STK32B: variants seen among roughly 807,000 people sequenced by gnomAD.
STK32B encodes the protein serine/threonine kinase 32B, also known as serine/threonine-protein kinase 32B.
Under a neutral mutation model 52.6 loss-of-function variants are expected in STK32B, and 43 were observed. The observed-to-expected ratio is 0.82, with a 90% CI of 0.64 to 1.05. The LOEUF is 1.05. STK32B is among the 50% of genes least tolerant of loss of function. The pLI is 0.00. For synonymous variants in STK32B, 238 were observed against 204.3 expected, an observed-to-expected ratio of 1.17 and a Z score of -1.41; for missense variants, 621 against 534.6, an observed-to-expected ratio of 1.16 and a Z score of -1.59.
intron 6 of STK32B, among the ~76,000 whole-genome samples, chr4:5,428,324 C>T (rs973996300): frequency 3.9e-5 from 6 of 151,972 alleles, no homozygotes; most frequent in Admixed American, 1.3e-4. Flanking sequence ...AGGAGAATGG[C>T]GTGAACCCGG....
intron 1 of STK32B, among the ~76,000 whole-genome samples, chr4:5,115,121 G>A (rs1208685641): frequency 6.6e-6 from 1 of 152,176 alleles, no homozygotes; most frequent in African/African-American, 2.4e-5. Context: ...GCAATTCTCT[G>A]TGAGTGTGAG....
intron 3 of STK32B, among the ~76,000 whole-genome samples, chr4:5,201,190 T>G (rs1722107882): frequency 6.6e-6 from 1 of 152,162 alleles, no homozygotes; most frequent in South Asian, 2.1e-4. Flanking sequence ...ATTATGTTCT[T>G]AGCAATATTC....
At position 5,375,957 on chromosome 4, in the gene STK32B, C is replaced by T. The variant is rs577300349; in HGVS notation, c.435-22250C>T. Among the ~76,000 whole-genome samples the T allele has an allele frequency of 5.9e-5, 9 of 152,316 alleles. No individual in the cohort carries two copies. In the South Asian group the frequency reaches 8.3e-4, roughly 14 times the overall value. The stretch of plus-strand genomic sequence containing the variant: ...GCTTACTCCCCTACCCACTTACAGC[C>T]TATGCCCACCTCCACCCTCATCTCT... On this transcript the variant is annotated intron_variant, in intron 4 of 11. Transcript: ENST00000282908.
chr4:5,493,503 A>G (rs1001254638), intron 11 of STK32B, among the ~76,000 whole-genome samples: 1 of 152,008 alleles, frequency 6.6e-6, no homozygotes, highest in East Asian at 1.9e-4. Flanking sequence ...CAGTCTATCA[A>G]TTTTGTTGAT....
At chr4:5,346,470 G>C (rs971750655) in intron 4 of STK32B, among the ~76,000 whole-genome samples, 1 of 152,144 alleles carries the variant, frequency 6.6e-6, no homozygotes, top group African/African-American at 2.4e-5. Flanking sequence ...CTCTGACTTA[G>C]TTCCCCAGAA....
chr4:5,302,625 T>A (rs1158873682), intron 3 of STK32B, among the ~76,000 whole-genome samples: 1 of 152,130 alleles, frequency 6.6e-6, no homozygotes, highest in Admixed American at 6.6e-5. Flanking sequence ...TAAATTTTAA[T>A]AGGTTTTGGG....
chr4:5,181,769 C>T (rs139982740), intron 3 of STK32B, among the ~76,000 whole-genome samples: 1 of 152,326 alleles, frequency 6.6e-6, no homozygotes, highest in African/African-American at 2.4e-5. Context: ...GAGTCTTCAA[C>T]AAGTTTTAAT....
chr4:5,335,594 C>T (rs912100269), intron 4 of STK32B, among the ~76,000 whole-genome samples: 11 of 151,868 alleles, frequency 7.2e-5, no homozygotes, highest in Non-Finnish European at 1.2e-4. Flanking sequence ...TGGATCTTTC[C>T]TGCTTTCTCT....
At chr4:5,251,527 T>C (rs1198549318) in intron 3 of STK32B, among the ~76,000 whole-genome samples, 1 of 152,196 alleles carries the variant, frequency 6.6e-6, no homozygotes, top group Non-Finnish European at 1.5e-5. Flanking sequence ...GCCTCCAGTT[T>C]TGTTCTTTTT....
chr4:5,064,463 A>G (rs1212565797), intron 1 of STK32B, among the ~76,000 whole-genome samples: 2 of 89,868 alleles, frequency 2.2e-5, no homozygotes, highest in African/African-American at 3.7e-5. Context: ...ACTTATATAC[A>G]TATAATATAT....
intron 3 of STK32B, among the ~76,000 whole-genome samples, chr4:5,317,423 A>AT (rs1731145534): frequency 2.8e-5 from 1 of 36,004 alleles, no homozygotes; most frequent in African/African-American, 1.4e-4. Context: ...ATTATATATA[A>AT]TACATATATA....
chr4:5,148,256 T>G (rs1277654953), intron 2 of STK32B, among the ~76,000 whole-genome samples: 1 of 151,808 alleles, frequency 6.6e-6, no homozygotes, highest in Non-Finnish European at 1.5e-5. Context: ...CTCTTTCATT[T>G]CTGATATTAG....
At position 5,378,902 on chromosome 4, in the gene STK32B, A is replaced by G. The variant is rs2109021286; in HGVS notation, c.435-19305A>G. Reference sequence around the variant, plus strand: ...TTGCAGCATTAAAGGCGTCATCTGCAAAAGGGGTGACAATTCTACCCTGCC... The same window carrying G: ...TTGCAGCATTAAAGGCGTCATCTGCGAAAGGGGTGACAATTCTACCCTGCC... On this transcript the variant is annotated intron_variant, in intron 4 of 11. Coordinates refer to ENST00000282908, the MANE Select transcript of STK32B (RefSeq NM_018401.3). This position sits in a 1 kb window ranked among gnomAD's most constrained non-coding sequence, Gnocchi z 4.4. 6.6e-6 allele frequency among the ~76,000 whole-genome samples: 1 copy of G among 152,140 alleles called. No individual in the cohort carries two copies. Among genetic ancestry groups the G allele is most frequent in the East Asian group, 1.9e-4 (1 of 5,192 alleles).
intron 7 of STK32B, chr4:5,447,052 C>T (rs1715520398): frequency 9.7e-6 from 3 of 308,670 alleles, no homozygotes; most frequent in African/African-American, 2.1e-5. Context: ...AACATCAAAG[C>T]GCCTTGGCCT....
At chr4:5,343,517 A>G (rs1733241928) in intron 4 of STK32B, among the ~76,000 whole-genome samples, 1 of 152,184 alleles carries the variant, frequency 6.6e-6, no homozygotes, top group African/African-American at 2.4e-5. Flanking sequence ...ATCCCTGAGG[A>G]ATCGCCACAC....
intron 6 of STK32B, among the ~76,000 whole-genome samples, chr4:5,441,426 G>T (rs1309225675): frequency 6.6e-6 from 1 of 150,702 alleles, no homozygotes; most frequent in Non-Finnish European, 1.5e-5. Flanking sequence ...ATGGTAGTTT[G>T]TATTTCTGTG....
chr4:5,484,143 TCTTAA>T (rs1285490364), intron 11 of STK32B, among the ~76,000 whole-genome samples: 2 of 152,230 alleles, frequency 1.3e-5, no homozygotes, highest in East Asian at 3.8e-4. Flanking sequence ...TGGATATCCT[TCTTAA>T]CTTTGTGTCT....
At chr4:5,494,420 T>A (rs892376519) in intron 11 of STK32B, among the ~76,000 whole-genome samples, 8 of 151,420 alleles carry the variant, frequency 5.3e-5, no homozygotes, top group African/African-American at 2.0e-4. Context: ...TTGTTTTCCA[T>A]TTGCTTGGTA....
At chr4:5,308,695 A>G (rs1396030549) in intron 3 of STK32B, among the ~76,000 whole-genome samples, 3 of 152,178 alleles carry the variant, frequency 2.0e-5, no homozygotes, top group African/African-American at 7.2e-5. Context: ...ACCAGTGCCT[A>G]ACGTGTAGTT....
Sources: gnomAD v4.1 joint callset for allele counts (sites outside exome capture counted in the v4.1 genomes callset) on GRCh38, gnomAD v4.1.1 for gene constraint, Gnocchi (gnomAD v3.1) non-coding constraint, MANE v1.5 for transcripts, NCBI Gene and HGNC (gene_info 2026-07-23, HGNC 2026-07-21) for gene names.